CT47B1: variants seen among roughly 807,000 people sequenced by gnomAD.
CT47B1 encodes the protein cancer/testis CT47 family, member 13.
A neutral mutation model predicts 12.8 loss-of-function variants in CT47B1; 24 were observed. The observed-to-expected ratio is 1.87, with a 90% CI of 1.36 to 2.63. The LOEUF (loss-of-function observed/expected upper bound fraction) is 2.63. Among genes scored for constraint, CT47B1 ranks in the 30% most tolerant of loss-of-function variants. CT47B1 has a pLI of 0.00. For synonymous variants in CT47B1, 228 were observed against 133.3 expected (o/e 1.71, Z -4.89); for missense variants, 523 against 271.3 (o/e 1.93, Z -6.52).
chrX:120,874,305 A>G (rs960256464), intron 1 of CT47B1, among the ~76,000 whole-genome samples: 1 of 109,235 alleles, frequency 9.2e-6, no homozygotes, highest in African/African-American at 3.3e-5. Context: ...AGAAGAAGAG[A>G]TCTGAATCAT....
rs779020803 is a variant in CT47B1, at chrX:120,874,908, C to A, written c.763G>T (p.Val255Leu). 8.3e-7 allele frequency: 1 copy of A among 1,209,633 alleles called. No homozygotes were observed. Among genetic ancestry groups the A allele is most frequent in the Non-Finnish European group, 1.1e-6 (1 of 894,699 alleles). The change falls in exon 1 of 3, where the codon GTG (valine) becomes TTG (leucine). Residue 255 changes from valine to leucine, a missense_variant. Coordinates refer to ENST00000371311, the MANE Select transcript of CT47B1 (RefSeq NM_001145718.3). ...CTAGCCCCCTTACCCTCGGGGGCCA[C>A]GGCCTCCTCTGAGGTCGGTTCCTCT... ...AAEEPTSEEA[V>L]APEEVTKSQP...
In CT47B1 at chrX:120,875,089, C is replaced by T. The variant is rs139114591; in HGVS notation, c.582G>A (p.Ala194=). Residue 194 remains alanine (A), a synonymous_variant, in exon 1 of 3, where the codon GCG becomes GCA. Transcript: ENST00000371311. The stretch of plus-strand genomic sequence containing the variant: ...GGACCGACGCGGCCTCCTGGACCGA[C>T]GCAGCCTCCTGGATCAGGCCGAGGC... ...GEGLGLIQEA[A]SVQEAASVPE... The T allele has an allele frequency of 3.6e-3, 4,338 of 1,208,325 alleles. 184 individuals are homozygous for T. In the Admixed American group the frequency reaches 0.088, roughly 24 times the overall value.
At chrX:120,873,369 G>A (rs1422384159) in intron 2 of CT47B1, among the ~76,000 whole-genome samples, 2 of 97,437 alleles carry the variant, frequency 2.1e-5, no homozygotes, top group African/African-American at 3.4e-5. Flanking sequence ...ATAGGTATTA[G>A]TCATTAATTG....
intron 1 of CT47B1, among the ~76,000 whole-genome samples, chrX:120,874,385 A>G (rs1420216947): frequency 2.7e-5 from 3 of 111,434 alleles, no homozygotes; most frequent in African/African-American, 6.5e-5. Context: ...ACCTCAAAAG[A>G]CAAATTCTAT....
Position 120,872,758 on chromosome X carries a change from CAATG to C in CT47B1, c.*32-22_*32-19del, listed in dbSNP as rs2147368631. 1 of 96,591 alleles carries C rather than the reference CAATG, an allele frequency of 1.0e-5. No individual in the cohort carries two copies. Among genetic ancestry groups the C allele is most frequent in the Admixed American group, 1.1e-4 (1 of 9,237 alleles). 8.0% of individuals were successfully genotyped at this position (96,591 alleles called of 1,213,427 possible). A position where few individuals can be genotyped will look rare whatever the true frequency, so the allele number is the denominator to read the frequency against. On this transcript the variant is annotated intron_variant, in intron 2 of 2. Transcript: ENST00000371311. The stretch of plus-strand genomic sequence containing the variant: ...ACAGGCATCTGAAAAAAAAATAAAA[CAATG>C]AACAACAGAGTCTTCTTTTCCTCCC...
At position 120,875,038 on chromosome X, in the gene CT47B1, C is replaced by A; in HGVS notation, c.633G>T (p.Leu211=). The change falls in exon 1 of 3, where the codon CTG becomes CTT. Residue 211 remains leucine, a synonymous_variant. Coordinates refer to ENST00000371311, the MANE Select transcript of CT47B1 (RefSeq NM_001145718.3). ...CCGCGGGCTCCCTGGCCATCTCGGC[C>A]AGGTCAGCTGGCACTGCAGGCTCTG... is the stretch of plus-strand genomic sequence containing the variant. ...SVPEPAVPAD[L]AEMAREPAEE... 1.7e-6 allele frequency: 2 copies of A among 1,210,011 alleles called. No homozygotes were observed. Among genetic ancestry groups the A allele is most frequent in the Non-Finnish European group, 2.2e-6 (2 of 894,838 alleles).
intron 1 of CT47B1, among the ~76,000 whole-genome samples, chrX:120,874,241 C>T (rs962512827): frequency 3.9e-5 from 4 of 101,686 alleles, no homozygotes; most frequent in Admixed American, 1.1e-4. Context: ...CTGTATTTCC[C>T]TTTTTTCCAG....
intron 2 of CT47B1, among the ~76,000 whole-genome samples, 200 bp from the exon 3 acceptor site, chrX:120,872,940 T>G (rs1253595618): frequency 3.0e-5 from 3 of 100,801 alleles, no homozygotes; most frequent in African/African-American, 1.0e-4. Context: ...CTTTTCCTTT[T>G]GTAACTCACG....
intron 2 of CT47B1, among the ~76,000 whole-genome samples, 169 bp from the exon 3 acceptor site, chrX:120,872,909 T>G: frequency 9.9e-6 from 1 of 101,360 alleles, no homozygotes; most frequent in East Asian, 2.8e-4. Flanking sequence ...TGCTATATCT[T>G]AAACAGGTAG....
chrX:120,872,760 A>C lies in CT47B1; in HGVS notation c.*32-20T>G, dbSNP rs1165079327. 4 of 99,024 alleles carry C rather than the reference A, an allele frequency of 4.0e-5. No homozygotes were observed. The highest frequency in any genetic ancestry group is 9.1e-5 in the Non-Finnish European group (4 of 43,879). The allele number at this position is 99,024 out of a possible 1,213,427, so 8.2% of individuals were successfully genotyped here. ...AGGCATCTGAAAAAAAAATAAAACA[A>C]TGAACAACAGAGTCTTCTTTTCCTC... On this transcript the variant is annotated intron_variant, in intron 2 of 2. Coordinates refer to ENST00000371311, the MANE Select transcript of CT47B1 (RefSeq NM_001145718.3).
chrX:120,874,867 T>C (rs1326155185), intron 1 of CT47B1, 29 bp downstream of exon 1: 9 of 1,205,129 alleles, frequency 7.5e-6, no homozygotes, highest in South Asian at 3.5e-5. Flanking sequence ...GGATCCCCGC[T>C]TCCCCGCTGC....
Position 120,872,733 on chromosome X carries a change from A to G in CT47B1, c.*39T>C, listed in dbSNP as rs1411402425. 4 of 102,788 alleles carry G rather than the reference A, an allele frequency of 3.9e-5. No individual in the cohort carries two copies. Among genetic ancestry groups the G allele is most frequent in the Admixed American group, 1.0e-4 (1 of 9,684 alleles). The allele number at this position is 102,788 out of a possible 1,213,427, so 8.5% of individuals were successfully genotyped here. On this transcript the variant is annotated 3_prime_UTR_variant, in exon 3 of 3. Transcript: ENST00000371311. ...TGGAATGATATGTGTTACAATTCCC[A>G]CAGGCATCTGAAAAAAAAATAAAAC...
chrX:120,875,069 G>T lies in CT47B1; in HGVS notation c.602C>A (p.Ser201Ter), dbSNP rs1474988613. 8.3e-7 allele frequency: 1 copy of T among 1,207,835 alleles called. No homozygotes were observed. Among genetic ancestry groups the T allele is most frequent in the African/African-American group, 1.7e-5 (1 of 57,193 alleles). The change falls in exon 1 of 3, where the codon TCG (serine) becomes TAG (stop). Residue 201 changes from serine (S) to a stop codon, truncating the protein, a stop_gained. Transcript: ENST00000371311. LOFTEE classifies it high-confidence loss of function. The part of the protein sequence containing the change: ...QEAASVQEAA[S>*]VPEPAVPADL... ...AGCTGGCACTGCAGGCTCTGGGACC[G>T]ACGCGGCCTCCTGGACCGACGCAGC... is the stretch of plus-strand genomic sequence containing the variant.
Position 120,875,014 on chromosome X carries a change from C to T in CT47B1, c.657G>A (p.Ala219=), listed in dbSNP as rs772976527. 1 of 1,210,110 alleles carries T rather than the reference C, an allele frequency of 8.3e-7. No individual in the cohort carries two copies. ...GGGGTTTCTCATCTGCGGCCTCCTC[C>T]GCGGGCTCCCTGGCCATCTCGGCCA... The part of the protein sequence containing the change: ...ADLAEMAREP[A]EEAADEKPPE... Residue 219 remains alanine (A), a synonymous_variant, in exon 1 of 3, where the codon GCG becomes GCA. Transcript: ENST00000371311.
At position 120,875,363 on chromosome X, in the gene CT47B1, G is replaced by C. The variant is rs753845539; in HGVS notation, c.308C>G (p.Ala103Gly). Residue 103 changes from alanine to glycine, a missense_variant, in exon 1 of 3, where the codon GCG becomes GGG. Transcript: ENST00000371311. Reference sequence around the variant, plus strand: ...GGCCACCGCCAAGTCGAAGTTGGCCGCCTCGTTCCCCTCTTCCTCCTCCTC... The same window carrying C: ...GGCCACCGCCAAGTCGAAGTTGGCCCCCTCGTTCCCCTCTTCCTCCTCCTC... Reference protein sequence around the residue: ...EEEEEEEGNEAANFDLAVATR... With the variant: ...EEEEEEEGNEGANFDLAVATR... 1 of 1,209,401 alleles carries C rather than the reference G, an allele frequency of 8.3e-7. No homozygotes were observed. The highest frequency in any genetic ancestry group is 2.2e-5 in the Admixed American group (1 of 45,978).
In CT47B1 at chrX:120,874,925, G is replaced by C. The variant is rs769266744; in HGVS notation, c.746C>G (p.Pro249Arg). ...GGGGGCCACGGCCTCCTCTGAGGTC[G>C]GTTCCTCTGCGGCCGGTTCCTCTGT... is the stretch of plus-strand genomic sequence containing the variant. ...EATEEPAAEEPTSEEAVAPEE... is the reference protein window; with the variant it reads ...EATEEPAAEERTSEEAVAPEE... Residue 249 changes from proline to arginine, a missense_variant, in exon 1 of 3, where the codon CCG (proline) becomes CGG (arginine). Transcript: ENST00000371311. 1 of 1,209,846 alleles carries C rather than the reference G, an allele frequency of 8.3e-7. No individual in the cohort carries two copies. Among genetic ancestry groups the C allele is most frequent in the Non-Finnish European group, 1.1e-6 (1 of 894,717 alleles).
At chrX:120,874,809 C>T in intron 1 of CT47B1, 87 bp downstream of exon 1, 1 of 1,151,658 alleles carries the variant, frequency 8.7e-7, no homozygotes, top group Non-Finnish European at 1.2e-6. Context: ...CCACCCGCTT[C>T]ACCAGCTGTG....
Position 120,875,518 on chromosome X carries a change from C to A in CT47B1, c.153G>T (p.Val51=), listed in dbSNP as rs751089476. The change falls in exon 1 of 3, where the codon GTG becomes GTT. Residue 51 remains valine (V), a synonymous_variant. Transcript: ENST00000371311. ...CTTCCACGGGCCCTGCGACTCCGAC[C>A]ACCTCGGCCGCAGGCACCATGTCGC... is the stretch of plus-strand genomic sequence containing the variant. ...DSSDMVPAAE[V]VGVAGPVEGL... The A allele has an allele frequency of 1.1e-5, 13 of 1,195,293 alleles. No individual in the cohort carries two copies. The highest frequency in any genetic ancestry group is 1.1e-4 in the African/African-American group (6 of 56,762).
rs1057069177 is a variant in CT47B1, at chrX:120,874,891, C to T, written c.775+5G>A. ...CTTCCCCGCTGCTGCCGCTAGCCCC[C>T]TTACCCTCGGGGGCCACGGCCTCCT... is the stretch of plus-strand genomic sequence containing the variant. On this transcript the variant is annotated splice_donor_5th_base_variant and intron_variant, in intron 1 of 2. Coordinates refer to ENST00000371311, the MANE Select transcript of CT47B1 (RefSeq NM_001145718.3). The T allele has an allele frequency of 3.3e-6, 4 of 1,207,318 alleles. No homozygotes were observed. The highest frequency in any genetic ancestry group is 3.0e-5 in the East Asian group (1 of 33,746).
Sources: gnomAD v4.1 joint callset for allele counts (sites outside exome capture counted in the v4.1 genomes callset) on GRCh38, gnomAD v4.1.1 for gene constraint, MANE v1.5 for transcripts, NCBI Gene and HGNC (gene_info 2026-07-23, HGNC 2026-07-21) for gene names.